AARS2: variants seen among roughly 807,000 people sequenced by gnomAD.
The protein encoded by AARS2 is alanine--tRNA ligase, mitochondrial.
AARS2 carries 78 observed loss-of-function variants against 119.7 expected under a neutral mutation model. The ratio of observed to expected loss-of-function variants is 0.65; its 90% CI spans 0.54 to 0.79. The LOEUF (loss-of-function observed/expected upper bound fraction) is 0.79, where lower values mean the gene tolerates loss of function less well. Ranked by LOEUF, AARS2 falls within the 30% of genes least tolerant of loss-of-function variation. AARS2 has a pLI of 0.00. For missense variants in AARS2, 1,157 were observed against 1,291.3 expected (o/e 0.90, Z 1.59); for synonymous variants, 502 against 526.3 (o/e 0.95, Z 0.63).
rs1052049233 is a variant in AARS2 at position 44,301,959 on chromosome 6, G to C, written c.2598+101C>G. 3.2e-6 allele frequency: 4 copies of C among 1,244,332 alleles called. No homozygotes were observed. The African/African-American group carries it at 6.0e-5, about 19-fold the overall frequency. The allele number at this position is 1,244,332 out of a possible 1,614,324, so 77.1% of individuals were successfully genotyped here. ...AGGAAGCTGCCACCACCCCGTCCTT[G>C]CACAGCCTCTGACTCACCCCCATGC... is the stretch of plus-strand genomic sequence containing the variant. On this transcript the variant is annotated intron_variant, in intron 19 of 21. Coordinates refer to ENST00000244571, the MANE Select transcript of AARS2 (RefSeq NM_020745.4).
Position 44,302,415 on chromosome 6 carries a change from G to C in AARS2, c.2463C>G (p.Ser821=), listed in dbSNP as rs1400825689. Residue 821 remains serine (S), a synonymous_variant, in exon 18 of 22, where the codon TCC becomes TCG. Coordinates refer to ENST00000244571, the MANE Select transcript of AARS2 (RefSeq NM_020745.4). ...SRDVAEALRL[S]KDIGRLIEAV... ...CTTCAATGAGTCGTCCTATGTCCTTGGACAGCCTCAGTGCCTCCGCCACAT... is the reference window on the plus strand; with the variant it reads ...CTTCAATGAGTCGTCCTATGTCCTTCGACAGCCTCAGTGCCTCCGCCACAT... 6.2e-7 allele frequency: 1 copy of C among 1,614,116 alleles called. No individual in the cohort carries two copies. The highest frequency in any genetic ancestry group is 8.5e-7 in the Non-Finnish European group (1 of 1,180,020).
At chr6:44,303,603 ATC>A (rs1785559122) in intron 14 of AARS2, among the ~76,000 whole-genome samples, 180 bp from the exon 15 acceptor site, 1 of 152,242 alleles carries the variant, frequency 6.6e-6, no homozygotes, top group Non-Finnish European at 1.5e-5. Flanking sequence ...TTAGAAAGCT[ATC>A]TGGGAGTTGG....
chr6:44,308,429 C>T (rs759751737), intron 5 of AARS2, among the ~76,000 whole-genome samples: 32 of 151,820 alleles, frequency 2.1e-4, no homozygotes, highest in Admixed American at 5.9e-4. Flanking sequence ...ATCCCAGCTA[C>T]TCTGGAGGCT....
intron 5 of AARS2, among the ~76,000 whole-genome samples, chr6:44,308,986 G>A (rs914109781): frequency 1.3e-5 from 2 of 152,144 alleles, no homozygotes; most frequent in African/African-American, 2.4e-5. Context: ...CTTCTTCTCT[G>A]TGAGACTGTT....
At position 44,307,266 on chromosome 6, in the gene AARS2, AG is replaced by A. The variant is rs1295790471; in HGVS notation, c.1022del (p.Pro341LeufsTer25). 6.2e-7 allele frequency: 1 copy of A among 1,613,662 alleles called. No individual in the cohort carries two copies. Among genetic ancestry groups the A allele is most frequent in the Non-Finnish European group, 8.5e-7 (1 of 1,179,956 alleles). ...LSVCISDGIF[P>X]GMSGPPLVLR... is the part of the protein sequence containing the mutation. ...AGACTCACGGGGGACCTGACATCCC[AG>A]GGAAGATGCCATCAGAGATGCAGAC... On this transcript the variant is annotated frameshift_variant, in exon 6 of 22. Transcript: ENST00000244571. LOFTEE classifies it high-confidence loss of function. This position sits in a 1 kb window ranked among gnomAD's most constrained non-coding sequence, Gnocchi z 4.4.
chr6:44,308,431 C>G (rs1271801926), intron 5 of AARS2, among the ~76,000 whole-genome samples: 5 of 151,774 alleles, frequency 3.3e-5, no homozygotes, highest in Non-Finnish European at 7.4e-5. Context: ...CCCAGCTACT[C>G]TGGAGGCTGA....
At position 44,304,779 on chromosome 6, in the gene AARS2, T is replaced by C. The variant is rs1432775948; in HGVS notation, c.1618A>G (p.Thr540Ala). 2 of 1,614,222 alleles carry C rather than the reference T, an allele frequency of 1.2e-6. No individual in the cohort carries two copies. Among genetic ancestry groups the C allele is most frequent in the South Asian group, 2.2e-5 (2 of 91,086 alleles). ...TCEAQVLQLY[T>A]EDGTAVASVG... ...GAGGCCACTGCTGTCCCGTCCTCTG[T>C]ATACAGTTGCAACACCTGGGCCTCA... The change falls in exon 12 of 22, where the codon ACA becomes GCA. Residue 540 changes from threonine to alanine, a missense_variant. Thr to Ala is a moderately conservative substitution (Grantham distance 58, BLOSUM62 0). Coordinates refer to ENST00000244571, the MANE Select transcript of AARS2 (RefSeq NM_020745.4).
Position 44,305,309 on chromosome 6 carries a change from C to A in AARS2, c.1435-111G>T. The A allele has an allele frequency of 6.6e-7, 1 of 1,506,044 alleles. No homozygotes were observed. Among genetic ancestry groups the A allele is most frequent in the Non-Finnish European group, 9.1e-7 (1 of 1,101,160 alleles). 93.3% of individuals were successfully genotyped at this position (1,506,044 alleles called of 1,614,324 possible). On this transcript the variant is annotated intron_variant, in intron 10 of 21. Transcript: ENST00000244571. The surrounding 1 kb of genome is among the most constrained non-coding windows in gnomAD (Gnocchi z 4.6). ...GCCACACAGCTGTGGACTCTGCAGC[C>A]CTTCTGGAATAAGAACTCAGGGCTT... is the stretch of plus-strand genomic sequence containing the variant.
In AARS2 at chr6:44,304,743, C is replaced by T. The variant is rs765883865; in HGVS notation, c.1654G>A (p.Gly552Ser). The change falls in exon 12 of 22, where the codon GGC becomes AGC. Residue 552 changes from glycine (G) to serine (S), a missense_variant. Physicochemically the swap from Gly to Ser is moderately conservative, Grantham distance 56. Transcript: ENST00000244571. ...DGTAVASVGKGQRCGLLLDRT... is the reference protein window; with the variant it reads ...DGTAVASVGKSQRCGLLLDRT... ...TCCAAGAGGAGGCCACAGCGCTGGCCTTTCCCCACGGAGGCCACTGCTGTC... is the reference window on the plus strand; with the variant it reads ...TCCAAGAGGAGGCCACAGCGCTGGCTTTTCCCCACGGAGGCCACTGCTGTC... 4.8e-5 allele frequency: 77 copies of T among 1,614,228 alleles called. 1 individual carries two copies. The highest frequency in any genetic ancestry group is 6.5e-5 in the Non-Finnish European group (77 of 1,180,032).
chr6:44,306,587 C>A, intron 7 of AARS2, 55 bp from the exon 8 acceptor site: 1 of 1,605,184 alleles, frequency 6.2e-7, no homozygotes, highest in East Asian at 2.2e-5. Flanking sequence ...CCCACCCCCA[C>A]CTCCCCACCC....
At chr6:44,301,498 G>A (rs761086047) in intron 19 of AARS2, 34 bp from the exon 20 acceptor site, 2 of 1,586,574 alleles carry the variant, frequency 1.3e-6, no homozygotes, top group South Asian at 2.2e-5. Context: ...GAGGGGTCAG[G>A]CTGAGAGGCA....
chr6:44,310,265 G>A, intron 5 of AARS2, 34 bp downstream of exon 5: 2 of 1,567,040 alleles, frequency 1.3e-6, no homozygotes, highest in Non-Finnish European at 1.7e-6. Flanking sequence ...TGAAGAGCAG[G>A]TTAGAGGGCT....
At chr6:44,303,857 A>C (rs1474086212) in intron 14 of AARS2, among the ~76,000 whole-genome samples, 1 of 152,150 alleles carries the variant, frequency 6.6e-6, no homozygotes. Flanking sequence ...GCAGAGGGAG[A>C]GGGCAGCCCA....
At chr6:44,301,850 A>G (rs1420733820) in intron 19 of AARS2, among the ~76,000 whole-genome samples, 1 of 152,138 alleles carries the variant, frequency 6.6e-6, no homozygotes, top group Admixed American at 6.5e-5. Context: ...TCTGAGCCAG[A>G]CTTGGGAGTT....
intron 4 of AARS2, 92 bp from the exon 5 acceptor site, chr6:44,310,535 C>T: frequency 5.9e-6 from 9 of 1,535,436 alleles, no homozygotes; most frequent in Non-Finnish European, 8.0e-6. Context: ...GGGGGGGGCC[C>T]AAGGGAGCTG....
Position 44,304,227 on chromosome 6 carries a change from C to T in AARS2, c.1961G>A (p.Gly654Asp). 3.1e-6 allele frequency: 5 copies of T among 1,614,080 alleles called. No individual in the cohort carries two copies. Among genetic ancestry groups the T allele is most frequent in the Non-Finnish European group, 4.2e-6 (5 of 1,180,028 alleles). Residue 654 changes from glycine to aspartate, a missense_variant, in exon 14 of 22, where the codon GGC becomes GAC. Coordinates refer to ENST00000244571, the MANE Select transcript of AARS2 (RefSeq NM_020745.4). The part of the protein sequence containing the change: ...QTLGPGTEQQ[G>D]SHLNPEQLRL... ...CAGCTGCTCAGGATTGAGATGGGAG[C>T]CCTGCTGCTCTGTGCCAGGGCCCAG...
rs1389110071 is a variant in AARS2 at position 44,312,115 on chromosome 6, A to G, written c.392T>C (p.Phe131Ser). ...AAAGGCCCAATTGCCAAGCATTTCA[A>G]AGAAGGTATGATGGGAAAGGTCTCG... ...VGRDLSHHTFFEMLGNWAFGG... is the reference protein window; with the variant it reads ...VGRDLSHHTFSEMLGNWAFGG... Residue 131 changes from phenylalanine (F) to serine (S), a missense_variant, in exon 2 of 22, where the codon TTT becomes TCT. Coordinates refer to ENST00000244571, the MANE Select transcript of AARS2 (RefSeq NM_020745.4). 6.2e-7 allele frequency: 1 copy of G among 1,614,184 alleles called. No individual in the cohort carries two copies. The highest frequency in any genetic ancestry group is 8.5e-7 in the Non-Finnish European group (1 of 1,180,004).
rs1000435417 is a variant in AARS2, at chr6:44,299,689, T to C, written c.*858A>G. 1 of 152,166 alleles carries C rather than the reference T, an allele frequency of 6.6e-6. No individual in the cohort carries two copies. Among genetic ancestry groups the C allele is most frequent in the African/African-American group, 2.4e-5 (1 of 41,448 alleles). The allele number at this position is 152,166 out of a possible 1,614,324, so 9.4% of individuals were successfully genotyped here. A position where few individuals can be genotyped will look rare whatever the true frequency, so the allele number is the denominator to read the frequency against. ...TCATCAACAAACCAGCAGGGCCCAA[T>C]TTAAATTAGAGGTCATTGTTAATGA... On this transcript the variant is annotated 3_prime_UTR_variant, in exon 22 of 22. Transcript: ENST00000244571.
At chr6:44,302,256 C>T (rs1474077148) in intron 18 of AARS2, 86 bp from the exon 19 acceptor site, 1 of 1,605,844 alleles carries the variant, frequency 6.2e-7, no homozygotes, top group Non-Finnish European at 8.5e-7. Flanking sequence ...GGAAGACACC[C>T]ACCCTGCAGA....
Sources: allele counts gnomAD v4.1 joint callset (sites outside exome capture counted in the v4.1 genomes callset), GRCh38; gene constraint gnomAD v4.1.1; non-coding constraint Gnocchi (gnomAD v3.1); transcripts MANE v1.5; gene names NCBI Gene and HGNC (gene_info 2026-07-23, HGNC 2026-07-21).